Variants in STAG1 observed in about 807,000 individuals in gnomAD.
STAG1 encodes cohesin subunit SA-1.
STAG1 carries 26 observed loss-of-function variants against 170.9 expected under a neutral mutation model. The ratio of observed to expected loss-of-function variants is 0.15; its 90% CI spans 0.11 to 0.21. The LOEUF (loss-of-function observed/expected upper bound fraction) is 0.21. Ranked by LOEUF, STAG1 falls within the 10% of genes least tolerant of loss-of-function variation. The pLI is 1.00. For synonymous variants in STAG1, 514 were observed against 497.7 expected (o/e 1.03, Z -0.44); for missense variants, 964 against 1,509.5 (o/e 0.64, Z 5.99).
At chr3:136,495,546 T>C (rs1933032389) in intron 9 of STAG1, among the ~76,000 whole-genome samples, 1 of 152,092 alleles carries the variant, frequency 6.6e-6, no homozygotes, top group Non-Finnish European at 1.5e-5. Context: ...CCAGGTGTGG[T>C]GGCATGGATG....
chr3:136,338,365 T>C lies in STAG1; in HGVS notation c.3753+5A>G, dbSNP rs1428954204. On this transcript the variant is annotated splice_donor_5th_base_variant and intron_variant, in intron 33 of 33. Coordinates refer to ENST00000383202, the MANE Select transcript of STAG1 (RefSeq NM_005862.3). ...AATAAAAAGCAGTAATAATTTGACA[T>C]TTACTGAATCATCTTCTATGATAGC... 1.2e-6 allele frequency: 2 copies of C among 1,609,638 alleles called. No individual in the cohort carries two copies. Among genetic ancestry groups the C allele is most frequent in the Non-Finnish European group, 1.7e-6 (2 of 1,175,992 alleles).
intron 1 of STAG1, among the ~76,000 whole-genome samples, chr3:136,661,170 G>A (rs928144489): frequency 6.6e-6 from 1 of 152,206 alleles, no homozygotes; most frequent in African/African-American, 2.4e-5. Flanking sequence ...AATGTTTGAA[G>A]TATTGTTGTA....
chr3:136,350,672 CATA>C (rs1936402236), intron 28 of STAG1, among the ~76,000 whole-genome samples: 1 of 152,202 alleles, frequency 6.6e-6, no homozygotes, highest in African/African-American at 2.4e-5. Context: ...ATTTCAGTGG[CATA>C]AAAGTTAAAG....
chr3:136,751,890 G>A (rs879888677), intron 1 of STAG1, among the ~76,000 whole-genome samples: 3 of 150,820 alleles, frequency 2.0e-5, no homozygotes, highest in Non-Finnish European at 3.0e-5. Context: ...GTGCCCGGGC[G>A]GGCGGGGGCA....
At chr3:136,749,824 G>A (rs1474886263) in intron 1 of STAG1, among the ~76,000 whole-genome samples, 6 of 151,238 alleles carry the variant, frequency 4.0e-5, no homozygotes, top group Admixed American at 4.0e-4. Flanking sequence ...TTTAGCCTGA[G>A]ATGCTCAGCT....
At chr3:136,615,496 C>T (rs569594695) in intron 3 of STAG1, among the ~76,000 whole-genome samples, 88 of 142,902 alleles carry the variant, frequency 6.2e-4, no homozygotes, top group African/African-American at 2.1e-3. Context: ...AAAACATATT[C>T]GTGGCCGGTC....
At chr3:136,725,690 C>CAT (rs1277836741) in intron 1 of STAG1, among the ~76,000 whole-genome samples, 1 of 152,150 alleles carries the variant, frequency 6.6e-6, no homozygotes, top group Non-Finnish European at 1.5e-5. Context: ...AAGAAACTGC[C>CAT]ATATCCCTGA....
chr3:136,594,618 A>G (rs188654724), intron 4 of STAG1, among the ~76,000 whole-genome samples: 2 of 152,338 alleles, frequency 1.3e-5, no homozygotes, highest in East Asian at 3.9e-4. Flanking sequence ...ACAGTTTTTA[A>G]TTGTATATTA....
rs187385783 is a variant in STAG1, at chr3:136,611,311, G to T, written c.133-6838C>A. On this transcript the variant is annotated intron_variant, in intron 3 of 33. Coordinates refer to ENST00000383202, the MANE Select transcript of STAG1 (RefSeq NM_005862.3). The stretch of plus-strand genomic sequence containing the variant: ...ATTACAAGCATGCGCCACCATGCCC[G>T]GCTAATTTTGTGTTTTTAGTAGAGA... 2.1e-3 allele frequency among the ~76,000 whole-genome samples: 324 copies of T among 151,862 alleles called. 2 individuals carry two copies. Among genetic ancestry groups the T allele is most frequent in the Non-Finnish European group, 2.2e-3 (148 of 67,942 alleles).
chr3:136,630,386 G>T (rs764575010), intron 2 of STAG1, among the ~76,000 whole-genome samples: 93 of 151,896 alleles, frequency 6.1e-4, no homozygotes, highest in Non-Finnish European at 1.0e-3. Context: ...GAGCAGGGAG[G>T]GGGGGTAGAG....
intron 14 of STAG1, among the ~76,000 whole-genome samples, chr3:136,450,785 C>T (rs926369004): frequency 2.0e-5 from 3 of 152,024 alleles, no homozygotes; most frequent in South Asian, 4.1e-4. Flanking sequence ...GGCTCTGTCG[C>T]GAAGTGTGGA....
intron 1 of STAG1, among the ~76,000 whole-genome samples, chr3:136,648,699 C>T (rs1671045067): frequency 6.6e-6 from 1 of 152,134 alleles, no homozygotes; most frequent in Non-Finnish European, 1.5e-5. Context: ...TCTACCTACC[C>T]TTCTTCCCCT....
At chr3:136,751,620 A>T (rs1028733000) in intron 1 of STAG1, among the ~76,000 whole-genome samples, 5 of 151,518 alleles carry the variant, frequency 3.3e-5, no homozygotes, top group African/African-American at 1.2e-4. Context: ...CCCCGCCAAC[A>T]AGAAGCCTGG....
intron 1 of STAG1, among the ~76,000 whole-genome samples, chr3:136,677,022 T>C (rs537435801): frequency 1.3e-5 from 2 of 152,256 alleles, no homozygotes; most frequent in African/African-American, 4.8e-5. Flanking sequence ...AGCTGTCATC[T>C]CTTATGATAA....
At chr3:136,645,120 T>C (rs374247693) in intron 1 of STAG1, among the ~76,000 whole-genome samples, 1 of 152,184 alleles carries the variant, frequency 6.6e-6, no homozygotes, top group East Asian at 1.9e-4. Context: ...TGTATGTAGT[T>C]ATCTGGGACA....
At chr3:136,616,403 A>G (rs1332428845) in intron 3 of STAG1, among the ~76,000 whole-genome samples, 2 of 152,224 alleles carry the variant, frequency 1.3e-5, no homozygotes, top group Non-Finnish European at 2.9e-5. Flanking sequence ...AGTCTTTAAC[A>G]TAATTAAGGA....
At chr3:136,360,042 A>T (rs550716295) in intron 26 of STAG1, among the ~76,000 whole-genome samples, 1 of 152,324 alleles carries the variant, frequency 6.6e-6, no homozygotes, top group East Asian at 1.9e-4. Flanking sequence ...AATATACCAA[A>T]AAGTTCTTAA....
chr3:136,705,180 C>A (rs1185525218), intron 1 of STAG1, among the ~76,000 whole-genome samples: 1 of 152,020 alleles, frequency 6.6e-6, no homozygotes, highest in Non-Finnish European at 1.5e-5. Flanking sequence ...TCGAGACCAG[C>A]CTGGCCAACA....
rs777347260 is a variant in STAG1, at chr3:136,568,859, G to A, written c.300C>T (p.Ser100=). The change falls in exon 5 of 34, where the codon TCC becomes TCT. Residue 100 remains serine, a splice_region_variant and synonymous_variant. Coordinates refer to ENST00000383202, the MANE Select transcript of STAG1 (RefSeq NM_005862.3). ...VVKLGKSAMQ[S]VVDDWIESYK... is the part of the protein sequence containing the mutation. The stretch of plus-strand genomic sequence containing the variant: ...ATGATTCAATCCAGTCATCCACCAC[G>A]GACTGTGGAAAAAAAATATAAAAAT... The A allele has an allele frequency of 7.5e-6, 12 of 1,593,494 alleles. No homozygotes were observed. Among genetic ancestry groups the A allele is most frequent in the Admixed American group, 1.8e-5 (1 of 55,316 alleles).
Sources: allele counts gnomAD v4.1 joint callset (sites outside exome capture counted in the v4.1 genomes callset), GRCh38; gene constraint gnomAD v4.1.1; transcripts MANE v1.5; gene names NCBI Gene and HGNC (gene_info 2026-07-23, HGNC 2026-07-21).